The following CDC42BPB variants were observed in gnomAD, a reference collection of about 807,000 sequenced individuals.
CDC42BPB encodes the protein CDC42 binding protein kinase beta.
A neutral mutation model predicts 214.9 loss-of-function variants in CDC42BPB; 37 were observed. The observed-to-expected ratio is 0.17, with a 90% CI of 0.13 to 0.23. CDC42BPB has a LOEUF of 0.23. Among genes scored for constraint, CDC42BPB ranks in the 10% least tolerant of loss-of-function variants. The pLI, the probability that CDC42BPB is intolerant of heterozygous loss-of-function variation, is 1.00. For synonymous variants in CDC42BPB, 931 were observed against 884.0 expected (o/e 1.05, Z -0.94); for missense variants, 1,694 against 2,227.0 (o/e 0.76, Z 4.82).
chr14:102,933,624 T>C lies in CDC42BPB; in HGVS notation c.*88A>G, dbSNP rs1274287793. 1.3e-5 allele frequency: 14 copies of C among 1,062,470 alleles called. No homozygotes were observed. The East Asian group carries it at 3.2e-4, about 24-fold the overall frequency. The allele number at this position is 1,062,470 out of a possible 1,614,324, so 65.8% of individuals were successfully genotyped here. ...ATCTACAAAGTGATTCTACATTTCC[T>C]TGGACAACACTGGAGGGCCCGCTCA... On this transcript the variant is annotated 3_prime_UTR_variant, in exon 37 of 37. Coordinates refer to ENST00000361246, the MANE Select transcript of CDC42BPB (RefSeq NM_006035.4).
chr14:102,989,566 CA>C (rs1231532116), intron 5 of CDC42BPB, among the ~76,000 whole-genome samples: 1 of 152,130 alleles, frequency 6.6e-6, no homozygotes, highest in Non-Finnish European at 1.5e-5. Context: ...CAGTATTATG[CA>C]AACATAAAAA....
At chr14:103,005,525 T>C (rs954654396) in intron 3 of CDC42BPB, among the ~76,000 whole-genome samples, 2 of 149,994 alleles carry the variant, frequency 1.3e-5, no homozygotes, top group Non-Finnish European at 3.0e-5. Flanking sequence ...CTGGGCAACA[T>C]AGTGAGACTC....
chr14:102,970,421 A>G (rs893254154), intron 13 of CDC42BPB, 160 bp from the exon 14 acceptor site: 3 of 980,608 alleles, frequency 3.1e-6, no homozygotes, highest in Non-Finnish European at 3.6e-6. Context: ...TGAGAAATAC[A>G]CTTCTGGGTT....
intron 1 of CDC42BPB, among the ~76,000 whole-genome samples, chr14:103,016,283 A>G (rs1345632704): frequency 6.6e-6 from 1 of 152,232 alleles, no homozygotes; most frequent in Non-Finnish European, 1.5e-5. Context: ...CGCTGCCAGG[A>G]TGGTACTGCT....
At chr14:103,012,055 T>C in intron 2 of CDC42BPB, 42 bp downstream of exon 2, 2 of 1,316,980 alleles carry the variant, frequency 1.5e-6, no homozygotes, top group Non-Finnish European at 2.2e-6. Context: ...TGCTGATGTT[T>C]TGGCAATTTA....
At chr14:103,027,364 C>T (rs777025095) in intron 1 of CDC42BPB, among the ~76,000 whole-genome samples, 1 of 152,138 alleles carries the variant, frequency 6.6e-6, no homozygotes, top group Non-Finnish European at 1.5e-5. Context: ...AACTTGCACA[C>T]TGCATGTTTA....
Position 103,057,264 on chromosome 14 carries a change from G to A in CDC42BPB, c.-91C>T, listed in dbSNP as rs1889040623. On this transcript the variant is annotated 5_prime_UTR_variant, in exon 1 of 37. Coordinates refer to ENST00000361246, the MANE Select transcript of CDC42BPB (RefSeq NM_006035.4). Reference sequence around the variant, plus strand: ...GCGCCCTCGGGGGCTCGGCGGCTGCGAGCCCCGGCAGCAGCGGCGCCTCCT... The same window carrying A: ...GCGCCCTCGGGGGCTCGGCGGCTGCAAGCCCCGGCAGCAGCGGCGCCTCCT... 3.4e-6 allele frequency: 4 copies of A among 1,164,686 alleles called. No individual in the cohort carries two copies. Among genetic ancestry groups the A allele is most frequent in the African/African-American group, 3.3e-5 (2 of 61,500 alleles). 72.1% of individuals were successfully genotyped at this position (1,164,686 alleles called of 1,614,324 possible).
intron 23 of CDC42BPB, among the ~76,000 whole-genome samples, chr14:102,952,991 C>T (rs2139401743): frequency 6.6e-6 from 1 of 152,306 alleles, no homozygotes; most frequent in Non-Finnish European, 1.5e-5. Flanking sequence ...GCACACAGGC[C>T]TTGCATGTGT....
At chr14:102,979,971 T>C (rs970713458) in intron 8 of CDC42BPB, among the ~76,000 whole-genome samples, 9 of 152,184 alleles carry the variant, frequency 5.9e-5, no homozygotes, top group Non-Finnish European at 1.2e-4. Flanking sequence ...TATTCTGAAC[T>C]CTTGCTGTAT....
rs1212883584 is a variant in CDC42BPB, at chr14:102,975,747, T to C, written c.1444A>G (p.Asn482Asp). 14 of 1,614,146 alleles carry C rather than the reference T, an allele frequency of 8.7e-6. No individual in the cohort carries two copies. The highest frequency in any genetic ancestry group is 1.3e-5 in the African/African-American group (1 of 75,068). Reference protein sequence around the residue: ...HGSSRALSNSNRDKEIKKLNE... With the variant: ...HGSSRALSNSDRDKEIKKLNE... Reference sequence around the variant, plus strand: ...AGCTTTTTGATTTCTTTATCTCGGTTTGAATTGCTGAGGGCCCGAGATGAG... The same window carrying C: ...AGCTTTTTGATTTCTTTATCTCGGTCTGAATTGCTGAGGGCCCGAGATGAG... The change falls in exon 11 of 37, where the codon AAC becomes GAC. Residue 482 changes from asparagine (N) to aspartate (D), a missense_variant. Asn to Asp is a conservative substitution (Grantham distance 23, BLOSUM62 1). This residue lies in a region of CDC42BPB where 462 missense variants were observed against 513.5 expected (regional missense o/e 0.90). Transcript: ENST00000361246.
At chr14:102,954,541 G>C in intron 22 of CDC42BPB, 61 bp downstream of exon 22, 6 of 1,494,172 alleles carry the variant, frequency 4.0e-6, no homozygotes, top group Non-Finnish European at 5.5e-6. Context: ...AGCAGCATCT[G>C]GTCACCTGGA....
Position 102,968,604 on chromosome 14 carries a change from C to A in CDC42BPB, c.2108G>T (p.Arg703Ile), listed in dbSNP as rs1377141203. 1 of 1,614,116 alleles carries A rather than the reference C, an allele frequency of 6.2e-7. No homozygotes were observed. Among genetic ancestry groups the A allele is most frequent in the Non-Finnish European group, 8.5e-7 (1 of 1,180,056 alleles). Residue 703 changes from arginine (R) to isoleucine (I), a missense_variant, in exon 15 of 37, where the codon AGA becomes ATA. Arg to Ile is a moderately conservative substitution (Grantham distance 97, BLOSUM62 -3). This residue lies in a region of CDC42BPB where 462 missense variants were observed against 513.5 expected (regional missense o/e 0.90). Transcript: ENST00000361246. Reference sequence around the variant, plus strand: ...TTCTAGCACATGGGAGGCCTCACGTCTGACCAATTCCTCTTCATAAAATAA... The same window carrying A: ...TTCTAGCACATGGGAGGCCTCACGTATGACCAATTCCTCTTCATAAAATAA... ...KVLFYEEELV[R>I]REASHVLEVK...
intron 1 of CDC42BPB, among the ~76,000 whole-genome samples, chr14:103,047,943 T>C (rs1275263375): frequency 6.8e-6 from 1 of 146,670 alleles, no homozygotes; most frequent in Non-Finnish European, 1.5e-5. Context: ...GTTCAAAAAA[T>C]TCACCTCCGA....
chr14:103,014,557 C>T (rs1886351167), intron 1 of CDC42BPB, among the ~76,000 whole-genome samples: 1 of 152,164 alleles, frequency 6.6e-6, no homozygotes, highest in Admixed American at 6.5e-5. Context: ...CTGACACTTC[C>T]TGGGCTTCTG....
chr14:103,010,604 C>T (rs1003790261), intron 2 of CDC42BPB, among the ~76,000 whole-genome samples: 8 of 152,240 alleles, frequency 5.3e-5, no homozygotes. Context: ...GGGCAGAGCA[C>T]ACCTGCTGCT....
intron 30 of CDC42BPB, among the ~76,000 whole-genome samples, chr14:102,942,781 TACA>T (rs1891956495): frequency 6.6e-6 from 1 of 151,990 alleles, no homozygotes; most frequent in African/African-American, 2.4e-5. Flanking sequence ...CTTGGATCAC[TACA>T]ACCTCTGCGT....
intron 21 of CDC42BPB, chr14:102,955,004 C>T (rs543225487): frequency 6.4e-6 from 1 of 155,150 alleles, no homozygotes; most frequent in East Asian, 1.9e-4. Context: ...AATGCACAGC[C>T]CTGAGCATAC....
At position 102,944,275 on chromosome 14, in the gene CDC42BPB, T is replaced by C; in HGVS notation, c.4024A>G (p.Thr1342Ala). ...CGTTTCACGGCCACAAACAGGCAGG[T>C]GCCAGAGTTCCTCTTGAGTGTGGCC... ...ATATLKRNSGTCLFVAVKRLI... is the reference protein window; with the variant it reads ...ATATLKRNSGACLFVAVKRLI... Residue 1342 changes from threonine (T) to alanine (A), a missense_variant, in exon 30 of 37, where the codon ACC (threonine) becomes GCC (alanine). This residue lies in a region of CDC42BPB where 567 missense variants were observed against 790.3 expected (regional missense o/e 0.72). Coordinates refer to ENST00000361246, the MANE Select transcript of CDC42BPB (RefSeq NM_006035.4). The surrounding 1 kb of genome is among the most constrained non-coding windows in gnomAD (Gnocchi z 6.6). 1 of 1,613,104 alleles carries C rather than the reference T, an allele frequency of 6.2e-7. No individual in the cohort carries two copies. The highest frequency in any genetic ancestry group is 8.5e-7 in the Non-Finnish European group (1 of 1,180,028).
intron 1 of CDC42BPB, among the ~76,000 whole-genome samples, chr14:103,036,441 C>T (rs1207640706): frequency 6.6e-6 from 1 of 152,102 alleles, no homozygotes; most frequent in Non-Finnish European, 1.5e-5. Context: ...AGGCGTGAGC[C>T]ACCGCGCCCA....
Sources: allele counts gnomAD v4.1 joint callset (sites outside exome capture counted in the v4.1 genomes callset), GRCh38; gene constraint gnomAD v4.1.1; regional missense constraint gnomAD v4.1.1; non-coding constraint Gnocchi (gnomAD v3.1); transcripts MANE v1.5; gene names NCBI Gene and HGNC (gene_info 2026-07-23, HGNC 2026-07-21).